Variants in BCO2 observed in about 807,000 individuals in gnomAD.
BCO2 encodes carotenoid-cleaving dioxygenase, mitochondrial.
BCO2 carries 56 observed loss-of-function variants against 65.8 expected under a neutral mutation model. The ratio of observed to expected loss-of-function variants is 0.85; its 90% CI spans 0.69 to 1.06. The LOEUF (loss-of-function observed/expected upper bound fraction) is 1.06. Among genes scored for constraint, BCO2 ranks in the 50% least tolerant of loss-of-function variants. The pLI is 0.00. For missense variants in BCO2, 675 were observed against 698.5 expected, an observed-to-expected ratio of 0.97 and a Z score of 0.38; for synonymous variants, 233 against 242.3, an observed-to-expected ratio of 0.96 and a Z score of 0.36.
intron 2 of BCO2, among the ~76,000 whole-genome samples, chr11:112,189,701 C>T (rs555633575): frequency 3.3e-5 from 5 of 152,214 alleles, no homozygotes; most frequent in South Asian, 4.1e-4. Flanking sequence ...AGCACCTGGC[C>T]TCAGAGAGGG....
chr11:112,194,119 T>A (rs1592848066), intron 4 of BCO2, 125 bp downstream of exon 4: 1 of 641,018 alleles, frequency 1.6e-6, no homozygotes, highest in Non-Finnish European at 2.7e-6. Context: ...AGAAAGTTAT[T>A]CATGATGCAG....
intron 2 of BCO2, among the ~76,000 whole-genome samples, chr11:112,191,486 A>G (rs1867389936): frequency 1.3e-5 from 2 of 152,182 alleles, no homozygotes; most frequent in Non-Finnish European, 2.9e-5. Flanking sequence ...AAACAAATGT[A>G]AAGACCATCC....
chr11:112,209,057 C>T (rs1025612230), intron 8 of BCO2, among the ~76,000 whole-genome samples: 1 of 152,094 alleles, frequency 6.6e-6, no homozygotes, highest in African/African-American at 2.4e-5. Flanking sequence ...GCTAATGGTA[C>T]ATTTGTTACA....
chr11:112,213,695 A>G (rs1390654353), intron 8 of BCO2, 29 bp from the exon 9 acceptor site: 2 of 1,607,562 alleles, frequency 1.2e-6, no homozygotes, highest in East Asian at 2.2e-5. Flanking sequence ...ATGAATGACA[A>G]TTTTCATCTC....
chr11:112,182,877 G>T, intron 2 of BCO2: 2 of 1,204,730 alleles, frequency 1.7e-6, no homozygotes, highest in South Asian at 2.4e-5. Flanking sequence ...TTCTAATGTG[G>T]AAGGAGCATC....
intron 2 of BCO2, chr11:112,183,292 A>T (rs1867107743): frequency 4.6e-6 from 3 of 652,766 alleles, no homozygotes; most frequent in Non-Finnish European, 5.6e-6. Context: ...TAACACTATA[A>T]GGAAATTTTA....
At chr11:112,203,459 CT>C (rs1867786108) in intron 8 of BCO2, among the ~76,000 whole-genome samples, 1 of 151,766 alleles carries the variant, frequency 6.6e-6, no homozygotes, top group Non-Finnish European at 1.5e-5. Context: ...TGTTTTTGTT[CT>C]TGTTTTAAAA....
At chr11:112,209,105 A>T (rs540103099) in intron 8 of BCO2, among the ~76,000 whole-genome samples, 1 of 152,280 alleles carries the variant, frequency 6.6e-6, no homozygotes, top group South Asian at 2.1e-4. Context: ...ATTATTACTA[A>T]CTAAAGTCCA....
At chr11:112,202,758 A>C (rs10891341) in intron 8 of BCO2, among the ~76,000 whole-genome samples, 57,520 of 151,988 alleles carry the variant, frequency 0.38, 11,241 homozygotes, top group South Asian at 0.59. Context: ...GTTTAAAAGC[A>C]TATGTGGCTG....
At chr11:112,186,821 A>G (rs1165275985) in intron 2 of BCO2, among the ~76,000 whole-genome samples, 1 of 152,202 alleles carries the variant, frequency 6.6e-6, no homozygotes, top group African/African-American at 2.4e-5. Flanking sequence ...GCAAGACTCC[A>G]TCTCTACAAA....
chr11:112,198,290 T>C (rs967484724), intron 5 of BCO2, among the ~76,000 whole-genome samples: 1 of 151,806 alleles, frequency 6.6e-6, no homozygotes, highest in Non-Finnish European at 1.5e-5. Flanking sequence ...ACCACTGTAC[T>C]CCAGACTGGG....
At chr11:112,202,290 T>TCTC in intron 8 of BCO2, 100 bp downstream of exon 8, 5 of 1,145,986 alleles carry the variant, frequency 4.4e-6, no homozygotes, top group Non-Finnish European at 6.1e-6. Flanking sequence ...TCTCTCTCTC[T>TCTC]TTTTTCTTTT....
intron 8 of BCO2, among the ~76,000 whole-genome samples, chr11:112,213,134 T>TTA (rs1859558011): frequency 2.6e-5 from 1 of 38,398 alleles, no homozygotes; most frequent in African/African-American, 8.7e-5. Flanking sequence ...TAAATAACTT[T>TTA]TTTTTTTTTT....
At chr11:112,181,802 G>C (rs1406391669) in intron 2 of BCO2, 2 of 849,926 alleles carry the variant, frequency 2.4e-6, no homozygotes, top group East Asian at 4.9e-5. Context: ...ACTTCAAAAT[G>C]GCCAGTTTAA....
In BCO2 at chr11:112,189,022, C is replaced by T. The variant is rs543324587; in HGVS notation, c.294-4452C>T. Among the ~76,000 whole-genome samples the T allele has an allele frequency of 1.4e-3, 210 of 152,054 alleles. 2 individuals are homozygous for T. The South Asian group carries it at 0.014, about 10-fold the overall frequency. ...CCAAAGTAGACAAACCATTAGTTAA[C>T]ATGGTCAAGAAGAAAAAAGGAAAAG... On this transcript the variant is annotated intron_variant, in intron 2 of 11. Transcript: ENST00000357685.
chr11:112,200,288 G>A (rs1263117945), intron 6 of BCO2: 2 of 206,872 alleles, frequency 9.7e-6, no homozygotes, highest in East Asian at 2.5e-4. Context: ...AAGGATACAT[G>A]TAAAGATCAT....
chr11:112,200,667 G>T lies in BCO2; in HGVS notation c.920G>T (p.Trp307Leu). The change falls in exon 7 of 12, where the codon TGG becomes TTG. Residue 307 changes from tryptophan (W) to leucine (L), a missense_variant. By Grantham distance (61) the Trp-to-Leu change is moderately conservative (BLOSUM62 -2). Transcript: ENST00000357685. ...FIEQPLKMNL[W>L]KIATSKIRGK... ...GAACAACCTCTAAAGATGAACCTGT[G>T]GAAAATTGCCACTTCTAAAATTCGG... 6 of 1,613,788 alleles carry T rather than the reference G, an allele frequency of 3.7e-6. No individual in the cohort carries two copies. Among genetic ancestry groups the T allele is most frequent in the Non-Finnish European group, 5.1e-6 (6 of 1,179,856 alleles).
At chr11:112,186,106 A>T (rs974142429) in intron 2 of BCO2, among the ~76,000 whole-genome samples, 8 of 152,254 alleles carry the variant, frequency 5.3e-5, no homozygotes, top group Non-Finnish European at 8.8e-5. Context: ...AAAGAGAAGT[A>T]GAAGAGAAGG....
intron 3 of BCO2, 31 bp downstream of exon 3, chr11:112,193,728 A>G: frequency 6.3e-7 from 1 of 1,584,456 alleles, no homozygotes; most frequent in Non-Finnish European, 8.6e-7. Flanking sequence ...AACTATTACG[A>G]TATATAACCA....
Sources: gnomAD v4.1 joint callset for allele counts (sites outside exome capture counted in the v4.1 genomes callset) on GRCh38, gnomAD v4.1.1 for gene constraint, MANE v1.5 for transcripts, NCBI Gene and HGNC (gene_info 2026-07-23, HGNC 2026-07-21) for gene names.